Variants in MB21D2 observed in about 807,000 individuals in gnomAD.
The protein encoded by MB21D2 is nucleotidyltransferase MB21D2.
MB21D2 carries 9 observed loss-of-function variants against 33.3 expected under a neutral mutation model. The ratio of observed to expected loss-of-function variants is 0.27; its 90% CI spans 0.16 to 0.47. MB21D2 has a LOEUF of 0.47. MB21D2 is among the 20% of genes least tolerant of loss of function. The pLI, the probability that MB21D2 is intolerant of heterozygous loss-of-function variation, is 0.99. For synonymous variants in MB21D2, 241 were observed against 236.3 expected (o/e 1.02, Z -0.18); for missense variants, 540 against 624.6 (o/e 0.86, Z 1.44).
At chr3:192,844,810 C>T (rs548533852) in intron 1 of MB21D2, among the ~76,000 whole-genome samples, 15 of 152,352 alleles carry the variant, frequency 9.8e-5, no homozygotes, top group African/African-American at 3.6e-4. Context: ...CATTCACATA[C>T]AACCGTATTT....
chr3:192,833,890 G>A (rs1712374506), intron 1 of MB21D2, among the ~76,000 whole-genome samples: 1 of 152,168 alleles, frequency 6.6e-6, no homozygotes. Flanking sequence ...GAGTCCTGCA[G>A]ACTTCCCTCT....
chr3:192,865,708 A>C (rs1713152982), intron 1 of MB21D2, among the ~76,000 whole-genome samples: 1 of 150,470 alleles, frequency 6.6e-6, no homozygotes, highest in Non-Finnish European at 1.5e-5. Flanking sequence ...CCCAACCCCC[A>C]CCCCATCCTC....
At chr3:192,878,932 C>T (rs1713501042) in intron 1 of MB21D2, among the ~76,000 whole-genome samples, 1 of 152,162 alleles carries the variant, frequency 6.6e-6, no homozygotes, top group Admixed American at 6.5e-5. Flanking sequence ...CCACTGCACT[C>T]CAGCCTGGGC....
chr3:192,861,478 T>C (rs1713040140), intron 1 of MB21D2, among the ~76,000 whole-genome samples: 1 of 152,232 alleles, frequency 6.6e-6, no homozygotes, highest in Non-Finnish European at 1.5e-5. Flanking sequence ...ATAAGGTGTT[T>C]GGGAATAAAG....
At position 192,799,689 on chromosome 3, in the gene MB21D2, A is replaced by T; in HGVS notation, c.212-39T>A. On this transcript the variant is annotated intron_variant, in intron 1 of 1. Transcript: ENST00000392452. This position sits in a 1 kb window ranked among gnomAD's most constrained non-coding sequence, Gnocchi z 4.1. ...AGAAAAAAACAACACTATTACAGGA[A>T]ACACAGACATAAGAGTCTTATGCAT... 2 of 1,575,900 alleles carry T rather than the reference A, an allele frequency of 1.3e-6. No homozygotes were observed.
At chr3:192,892,045 A>G (rs1713863550) in intron 1 of MB21D2, among the ~76,000 whole-genome samples, 1 of 151,932 alleles carries the variant, frequency 6.6e-6, no homozygotes, top group Admixed American at 6.5e-5. Flanking sequence ...GTGTCAAACA[A>G]TGATTACAAT....
chr3:192,817,605 T>C (rs958639597), intron 1 of MB21D2, among the ~76,000 whole-genome samples: 1 of 152,210 alleles, frequency 6.6e-6, no homozygotes, highest in Non-Finnish European at 1.5e-5. Context: ...CATCACTCAG[T>C]TGACAAATAC....
intron 1 of MB21D2, among the ~76,000 whole-genome samples, chr3:192,873,667 C>G (rs1406688630): frequency 2.6e-5 from 4 of 152,138 alleles, no homozygotes; most frequent in Non-Finnish European, 4.4e-5. Flanking sequence ...GCTGCACTCC[C>G]TGGAAACAGG....
chr3:192,807,217 TAGAG>T (rs1711682683), intron 1 of MB21D2, among the ~76,000 whole-genome samples: 1 of 151,798 alleles, frequency 6.6e-6, no homozygotes, highest in African/African-American at 2.4e-5. Context: ...CAAGACCCAA[TAGAG>T]AGTCTTATTA....
At chr3:192,913,317 G>C (rs1560259827) in intron 1 of MB21D2, among the ~76,000 whole-genome samples, 2 of 152,070 alleles carry the variant, frequency 1.3e-5, no homozygotes, top group East Asian at 3.9e-4. Flanking sequence ...GGATCACTTG[G>C]AGCCCAGGAA....
chr3:192,824,879 G>A (rs952471252), intron 1 of MB21D2, among the ~76,000 whole-genome samples: 1 of 152,162 alleles, frequency 6.6e-6, no homozygotes, highest in Non-Finnish European at 1.5e-5. Flanking sequence ...GAAAAGGTGC[G>A]CAGAAAGTCC....
At chr3:192,892,640 A>G (rs1370149406) in intron 1 of MB21D2, among the ~76,000 whole-genome samples, 1 of 151,924 alleles carries the variant, frequency 6.6e-6, no homozygotes, top group Admixed American at 6.6e-5. Flanking sequence ...ACGGGGTTTC[A>G]CCATGTTGGC....
rs142242766 is a variant in MB21D2 at position 192,888,068 on chromosome 3, T to C, written c.211+29562A>G. On this transcript the variant is annotated intron_variant, in intron 1 of 1. Transcript: ENST00000392452. ...CTGGGGACTAGAAGGGCACCAACAC[T>C]GCTCCTCCGTTCTGGGAAAAAGTCT... 1.2e-4 allele frequency among the ~76,000 whole-genome samples: 19 copies of C among 152,224 alleles called. 1 individual carries two copies. The highest frequency in any genetic ancestry group is 4.3e-4 in the African/African-American group (18 of 41,470).
chr3:192,833,232 T>G (rs149655803), intron 1 of MB21D2, among the ~76,000 whole-genome samples: 4 of 152,320 alleles, frequency 2.6e-5, no homozygotes, highest in Non-Finnish European at 5.9e-5. Flanking sequence ...AAACAAATGC[T>G]AACCCTATCT....
intron 1 of MB21D2, among the ~76,000 whole-genome samples, chr3:192,857,772 C>T (rs1712950481): frequency 6.6e-6 from 1 of 152,156 alleles, no homozygotes; most frequent in African/African-American, 2.4e-5. Flanking sequence ...AAGGTGGAAA[C>T]ATGCTGCACG....
intron 1 of MB21D2, among the ~76,000 whole-genome samples, chr3:192,832,576 G>C (rs1712340326): frequency 6.6e-6 from 1 of 152,192 alleles, no homozygotes; most frequent in African/African-American, 2.4e-5. Context: ...CGGATCACGA[G>C]GTCAAGAGAT....
At chr3:192,832,632 A>G (rs1309990199) in intron 1 of MB21D2, among the ~76,000 whole-genome samples, 2 of 152,214 alleles carry the variant, frequency 1.3e-5, no homozygotes, top group South Asian at 4.1e-4. Flanking sequence ...GCTACTAAAA[A>G]TACAAAAATT....
chr3:192,873,543 T>C (rs1427770907), intron 1 of MB21D2, among the ~76,000 whole-genome samples: 1 of 152,058 alleles, frequency 6.6e-6, no homozygotes, highest in Non-Finnish European at 1.5e-5. Flanking sequence ...CTTCCCTTCA[T>C]CCCACTCCTA....
intron 1 of MB21D2, among the ~76,000 whole-genome samples, chr3:192,820,607 G>A (rs187216702): frequency 2.6e-4 from 40 of 152,306 alleles, no homozygotes; most frequent in Middle Eastern, 3.4e-3. Flanking sequence ...TCTGCGTAGC[G>A]GCCACTCAGA....
Sources: allele counts gnomAD v4.1 joint callset (sites outside exome capture counted in the v4.1 genomes callset), GRCh38; gene constraint gnomAD v4.1.1; non-coding constraint Gnocchi (gnomAD v3.1); transcripts MANE v1.5; gene names NCBI Gene and HGNC (gene_info 2026-07-23, HGNC 2026-07-21).